NFIB: variants seen among roughly 807,000 people sequenced by gnomAD.
The protein encoded by NFIB is nuclear factor I B.
A neutral mutation model predicts 61.5 loss-of-function variants in NFIB; 11 were observed. That is an observed-to-expected ratio of 0.18 (90% confidence interval 0.11 to 0.30). NFIB has a LOEUF of 0.30. NFIB is among the 10% of genes least tolerant of loss of function. NFIB has a pLI of 1.00. For synonymous variants in NFIB, 260 were observed against 216.5 expected (o/e 1.20, Z -1.76); for missense variants, 471 against 608.9 (o/e 0.77, Z 2.38).
At chr9:14,295,633 A>AAAACAAACAAACAAAC (rs35605571) in intron 2 of NFIB, among the ~76,000 whole-genome samples, 1 of 149,618 alleles carries the variant, frequency 6.7e-6, no homozygotes, top group African/African-American at 2.5e-5. Context: ...TCCTTCTCAA[A>AAAACAAACAAACAAAC]AAACAAACAA....
rs184708078 is a variant in NFIB, at chr9:14,172,404, G to C, written c.616+7323C>G. On this transcript the variant is annotated intron_variant, in intron 3 of 10. Transcript: ENST00000380953. ...GAAGTTTCAATAGACACAGAAAGTT[G>C]ATGGCTTCATAAAGTAGAAACACCA... 2.1e-4 allele frequency among the ~76,000 whole-genome samples: 32 copies of C among 152,238 alleles called. 1 individual carries two copies. Among genetic ancestry groups the C allele is most frequent in the Admixed American group, 1.9e-3 (29 of 15,286 alleles).
chr9:14,348,550 G>C (rs1436313537), intron 1 of NFIB, among the ~76,000 whole-genome samples: 1 of 152,212 alleles, frequency 6.6e-6, no homozygotes, highest in Non-Finnish European at 1.5e-5. Flanking sequence ...AGTTTAGCAC[G>C]GCACAGGCGG....
chr9:14,434,107 T>C, the NFIB span, among the ~76,000 whole-genome samples: 1 of 152,226 alleles, frequency 6.6e-6, no homozygotes, highest in Non-Finnish European at 1.5e-5. Context: ...AATACGTACA[T>C]TTTCTTAATA....
At chr9:14,376,517 C>CTTTTTTTTT (rs781462864) in intron 1 of NFIB, among the ~76,000 whole-genome samples, 1 of 128,430 alleles carries the variant, frequency 7.8e-6, no homozygotes, top group African/African-American at 3.7e-5. Context: ...CTAAAAGTGT[C>CTTTTTTTTT]ATTTTTTTTT....
At chr9:14,498,307 G>A in the NFIB span, among the ~76,000 whole-genome samples, 1 of 152,210 alleles carries the variant, frequency 6.6e-6, no homozygotes, top group Non-Finnish European at 1.5e-5. Context: ...GACTGAAACA[G>A]ACAAGGGTTT....
At chr9:14,220,702 C>T (rs571915798) in intron 2 of NFIB, among the ~76,000 whole-genome samples, 1 of 152,182 alleles carries the variant, frequency 6.6e-6, no homozygotes, top group South Asian at 2.1e-4. Context: ...TTCCTCCTGC[C>T]CTCTCCCTTA....
the NFIB span, among the ~76,000 whole-genome samples, chr9:14,448,397 T>G: frequency 6.6e-6 from 1 of 152,226 alleles, no homozygotes; most frequent in Non-Finnish European, 1.5e-5. Flanking sequence ...AAAAAAAATT[T>G]TTATTTAAAA....
chr9:14,120,644 A>T lies in NFIB; in HGVS notation c.1061-20T>A. 6.3e-7 allele frequency: 1 copy of T among 1,576,584 alleles called. No individual in the cohort carries two copies. Among genetic ancestry groups the T allele is most frequent in the Non-Finnish European group, 8.6e-7 (1 of 1,163,578 alleles). Reference sequence around the variant, plus strand: ...AGATGACTGCAGAAGACAGAAAAGGAAAGATTGACTCATCAGCTGGTTACC... The same window carrying T: ...AGATGACTGCAGAAGACAGAAAAGGTAAGATTGACTCATCAGCTGGTTACC... On this transcript the variant is annotated intron_variant, in intron 7 of 10. Transcript: ENST00000380953. The surrounding 1 kb of genome is among the most constrained non-coding windows in gnomAD (Gnocchi z 4.4).
the NFIB span, among the ~76,000 whole-genome samples, chr9:14,418,753 G>C: frequency 6.6e-6 from 1 of 152,132 alleles, no homozygotes; most frequent in African/African-American, 2.4e-5. Context: ...CATTCAATGT[G>C]CCTGGCTTTA....
chr9:14,385,209 G>A (rs1005018874), intron 1 of NFIB, among the ~76,000 whole-genome samples: 3 of 152,106 alleles, frequency 2.0e-5, no homozygotes, highest in Non-Finnish European at 4.4e-5. Context: ...CCACTCAGCC[G>A]ATGAGGAAAC....
the NFIB span, among the ~76,000 whole-genome samples, chr9:14,492,548 C>G: frequency 1.3e-5 from 2 of 151,952 alleles, no homozygotes; most frequent in Non-Finnish European, 2.9e-5. Flanking sequence ...GGAAGCAGCA[C>G]TTCACATGGC....
chr9:14,365,744 G>C (rs893100641), intron 1 of NFIB, among the ~76,000 whole-genome samples: 1 of 152,180 alleles, frequency 6.6e-6, no homozygotes, highest in Non-Finnish European at 1.5e-5. Flanking sequence ...GCTTGTCCTA[G>C]TATAGGGGAA....
the NFIB span, among the ~76,000 whole-genome samples, chr9:14,493,786 C>G: frequency 6.6e-6 from 1 of 152,172 alleles, no homozygotes; most frequent in Non-Finnish European, 1.5e-5. Flanking sequence ...CCATGTGAGG[C>G]TATTTTCCTT....
the NFIB span, among the ~76,000 whole-genome samples, chr9:14,531,479 A>T: frequency 6.6e-6 from 1 of 152,170 alleles, no homozygotes; most frequent in Non-Finnish European, 1.5e-5. Context: ...GGACAGTCGC[A>T]TACTGATGAG....
the NFIB span, among the ~76,000 whole-genome samples, chr9:14,471,606 C>T: frequency 2.0e-5 from 3 of 152,320 alleles, no homozygotes; most frequent in African/African-American, 4.8e-5. Flanking sequence ...GATACCTTAG[C>T]CAGACCTTAT....
At chr9:14,484,361 G>A in the NFIB span, among the ~76,000 whole-genome samples, 5 of 152,172 alleles carry the variant, frequency 3.3e-5, no homozygotes, top group Non-Finnish European at 7.3e-5. Flanking sequence ...ATTCTAGCAG[G>A]TTGAGAGCCA....
At chr9:14,155,637 T>G (rs1022469782) in intron 4 of NFIB, among the ~76,000 whole-genome samples, 188 bp downstream of exon 4, 5 of 152,222 alleles carry the variant, frequency 3.3e-5, no homozygotes, top group Non-Finnish European at 5.9e-5. Context: ...AACAAAAAGT[T>G]TTGATGATTT....
At chr9:14,091,432 AATCAC>A in intron 10 of NFIB, among the ~76,000 whole-genome samples, 1 of 152,216 alleles carries the variant, frequency 6.6e-6, no homozygotes, top group East Asian at 1.9e-4. Flanking sequence ...AAAAATCAAT[AATCAC>A]ATGTATGGAT....
At chr9:14,178,650 T>C (rs1444062251) in intron 3 of NFIB, among the ~76,000 whole-genome samples, 2 of 152,060 alleles carry the variant, frequency 1.3e-5, no homozygotes, top group Non-Finnish European at 2.9e-5. Context: ...CTCAGAAAAA[T>C]ATAGTCTGTT....
Sources: gnomAD v4.1 joint callset for allele counts (sites outside exome capture counted in the v4.1 genomes callset) on GRCh38, gnomAD v4.1.1 for gene constraint, Gnocchi (gnomAD v3.1) non-coding constraint, MANE v1.5 for transcripts, NCBI Gene and HGNC (gene_info 2026-07-23, HGNC 2026-07-21) for gene names.